Variants in PRP4K observed in about 807,000 individuals in gnomAD.
The protein encoded by PRP4K is serine/threonine-protein kinase PRP4 homolog.
chr6:4,052,666 C>T, the PRP4K span: 264 of 1,363,466 alleles, frequency 1.9e-4, no homozygotes, highest in South Asian at 6.9e-4. Context: ...TTTATATTTC[C>T]ATTTTGCATT....
At chr6:4,035,284 A>ATTTTTTTTTTTTTTTTTTTT in the PRP4K span, among the ~76,000 whole-genome samples, 12 of 58,800 alleles carry the variant, frequency 2.0e-4, 2 homozygotes, top group African/African-American at 3.9e-4. Flanking sequence ...CGCCCGGCTA[A>ATTTTTTTTTTTTTTTTTTTT]TTTTTTTTTT....
the PRP4K span, among the ~76,000 whole-genome samples, chr6:4,038,540 G>A: frequency 2.0e-3 from 302 of 151,736 alleles, no homozygotes; most frequent in African/African-American, 6.6e-3. Context: ...TGATCCGCTC[G>A]TCTTGGCCCA....
At chr6:4,041,187 A>G in the PRP4K span, among the ~76,000 whole-genome samples, 99,719 of 151,992 alleles carry the variant, frequency 0.66, 32,972 homozygotes, top group East Asian at 0.77. Flanking sequence ...CTTTGTTTTT[A>G]TTATGAACAA....
chr6:4,056,477 G>A, the PRP4K span: 75 of 1,612,374 alleles, frequency 4.7e-5, no homozygotes, highest in Middle Eastern at 6.6e-4. Flanking sequence ...ATCATATGTG[G>A]TGGAAACCGC....
At chr6:4,022,555 C>T in the PRP4K span, among the ~76,000 whole-genome samples, 5 of 151,708 alleles carry the variant, frequency 3.3e-5, no homozygotes, top group Non-Finnish European at 5.9e-5. Context: ...CAACTTGTGA[C>T]TGAGCGATAG....
the PRP4K span, chr6:4,032,439 C>G: frequency 1.1e-4 from 175 of 1,614,020 alleles, no homozygotes; most frequent in Admixed American, 4.3e-4. Flanking sequence ...CAGAAGGTCA[C>G]GGTCCAAAGA....
chr6:4,031,358 A>G, the PRP4K span, among the ~76,000 whole-genome samples: 1 of 152,222 alleles, frequency 6.6e-6, no homozygotes, highest in Non-Finnish European at 1.5e-5. Flanking sequence ...TAGAAACACA[A>G]TAAAGTTGTA....
At chr6:4,021,419 G>C in the PRP4K span, 2 of 1,581,998 alleles carry the variant, frequency 1.3e-6, no homozygotes, top group Admixed American at 1.9e-5. Context: ...GAGTCAGGAA[G>C]TTCAAGATGG....
chr6:4,044,093 T>C, the PRP4K span: 2 of 1,443,168 alleles, frequency 1.4e-6, no homozygotes, highest in Non-Finnish European at 1.9e-6. Flanking sequence ...ATAAGAGACG[T>C]TATTTGGGGT....
chr6:4,046,768 C>T, the PRP4K span, among the ~76,000 whole-genome samples: 1 of 151,944 alleles, frequency 6.6e-6, no homozygotes, highest in South Asian at 2.1e-4. Flanking sequence ...AGCAATTCTC[C>T]TTTCTCAGCC....
chr6:4,048,460 G>GC, the PRP4K span, among the ~76,000 whole-genome samples: 1 of 151,896 alleles, frequency 6.6e-6, no homozygotes, highest in Non-Finnish European at 1.5e-5. Context: ...AACTAGTGCA[G>GC]CCAGTGACTT....
the PRP4K span, chr6:4,032,065 G>T: frequency 6.2e-7 from 1 of 1,613,876 alleles, no homozygotes; most frequent in South Asian, 1.1e-5. Flanking sequence ...ACAAAGAAAC[G>T]AAGTAAAAGC....
the PRP4K span, among the ~76,000 whole-genome samples, chr6:4,030,134 G>A: frequency 6.6e-6 from 1 of 151,986 alleles, no homozygotes; most frequent in African/African-American, 2.4e-5. Flanking sequence ...GTAGAGAGGG[G>A]GTTTCCCCAT....
chr6:4,064,667 T>C, the PRP4K span: 2 of 152,656 alleles, frequency 1.3e-5, no homozygotes, highest in Non-Finnish European at 2.9e-5. Context: ...AATGTCTTCC[T>C]TATAGAAATG....
At chr6:4,036,492 G>A in the PRP4K span, among the ~76,000 whole-genome samples, 2 of 152,208 alleles carry the variant, frequency 1.3e-5, no homozygotes, top group South Asian at 2.1e-4. Context: ...ACAGTGCTGG[G>A]ATTACAAGTG....
chr6:4,041,357 A>G, the PRP4K span, among the ~76,000 whole-genome samples: 1 of 152,198 alleles, frequency 6.6e-6, no homozygotes, highest in Admixed American at 6.5e-5. Flanking sequence ...GAAACATTTC[A>G]AGTGTCTAAT....
the PRP4K span, among the ~76,000 whole-genome samples, chr6:4,025,411 C>G: frequency 5.5e-4 from 83 of 152,270 alleles, no homozygotes; most frequent in South Asian, 1.9e-3. Context: ...TCCAGATTGA[C>G]CTGGTCAGAC....
chr6:4,049,311 G>C, the PRP4K span: 1 of 549,120 alleles, frequency 1.8e-6, no homozygotes. Flanking sequence ...GTGAGGTAAA[G>C]TCTTGATGTA....
chr6:4,027,592 C>CGGGGGGGGG, the PRP4K span, among the ~76,000 whole-genome samples: 9 of 7,842 alleles, frequency 1.1e-3, no homozygotes, highest in Non-Finnish European at 1.6e-3. Flanking sequence ...GCTTATTTGG[C>CGGGGGGGGG]GGAGGGGTGG....
Sources: gnomAD v4.1 joint callset for allele counts (sites outside exome capture counted in the v4.1 genomes callset) on GRCh38, gnomAD v4.1.1 for gene constraint, MANE v1.5 for transcripts, NCBI Gene and HGNC (gene_info 2026-07-23, HGNC 2026-07-21) for gene names.